The following ZMIZ1 variants were observed in gnomAD, a reference collection of about 807,000 sequenced individuals.
ZMIZ1 encodes the protein zinc finger MIZ-type containing 1, also known as zinc finger MIZ domain-containing protein 1.
A neutral mutation model predicts 113.9 loss-of-function variants in ZMIZ1; 17 were observed. The observed-to-expected ratio is 0.15, with a 90% CI of 0.10 to 0.22. ZMIZ1 has a LOEUF of 0.22. ZMIZ1 is among the 10% of genes least tolerant of loss of function. The pLI is 1.00. For synonymous variants in ZMIZ1, 607 were observed against 603.1 expected, an observed-to-expected ratio of 1.01 and a Z score of -0.09; for missense variants, 1,059 against 1,477.8, an observed-to-expected ratio of 0.72 and a Z score of 4.65.
intron 7 of ZMIZ1, among the ~76,000 whole-genome samples, chr10:79,220,876 G>A (rs1381995791): frequency 6.6e-6 from 1 of 152,116 alleles, no homozygotes; most frequent in African/African-American, 2.4e-5. Flanking sequence ...CTGTGCACAT[G>A]TGTGTATCTG....
intron 2 of ZMIZ1, among the ~76,000 whole-genome samples, chr10:79,124,787 G>A (rs1276969592): frequency 2.0e-5 from 3 of 152,232 alleles, no homozygotes; most frequent in East Asian, 1.9e-4. Flanking sequence ...CAACTGGGTG[G>A]CATGGGTCAG....
At chr10:79,164,434 G>GAGTA (rs1309517278) in intron 4 of ZMIZ1, among the ~76,000 whole-genome samples, 3 of 90,362 alleles carry the variant, frequency 3.3e-5, no homozygotes, top group Non-Finnish European at 6.7e-5. Flanking sequence ...GTGAGTGAGT[G>GAGTA]AGTGATTCTC....
chr10:79,313,748 T>TC lies in ZMIZ1; in HGVS notation c.*1001dup. On this transcript the variant is annotated 3_prime_UTR_variant, in exon 25 of 25. Transcript: ENST00000334512. The stretch of plus-strand genomic sequence containing the variant: ...TTGGACAGCAAGCAAACCATTTCTC[T>TC]CCGTCTGTTCTGTTTTTCTCCTAGT... 1 of 313,356 alleles carries TC rather than the reference T, an allele frequency of 3.2e-6. No individual in the cohort carries two copies. Among genetic ancestry groups the TC allele is most frequent in the Non-Finnish European group, 6.3e-6 (1 of 158,128 alleles). 19.4% of individuals were successfully genotyped at this position (313,356 alleles called of 1,614,324 possible). A position where few individuals can be genotyped will look rare whatever the true frequency, so the allele number is the denominator to read the frequency against.
At chr10:79,215,312 T>G (rs930937975) in intron 6 of ZMIZ1, among the ~76,000 whole-genome samples, 43 of 151,928 alleles carry the variant, frequency 2.8e-4, no homozygotes, top group African/African-American at 1.0e-3. Context: ...CTTTTTTTTT[T>G]TTTTTGAGAA....
At chr10:79,214,204 A>G (rs906103164) in intron 6 of ZMIZ1, among the ~76,000 whole-genome samples, 1 of 152,188 alleles carries the variant, frequency 6.6e-6, no homozygotes, top group Non-Finnish European at 1.5e-5. Flanking sequence ...GTGGACAGTG[A>G]GACTTATGGT....
At chr10:79,131,338 T>C (rs376747696) in intron 2 of ZMIZ1, among the ~76,000 whole-genome samples, 1 of 152,058 alleles carries the variant, frequency 6.6e-6, no homozygotes, top group East Asian at 1.9e-4. Flanking sequence ...TGGCGGGGGA[T>C]TGGGGATAGG....
chr10:79,081,846 A>G (rs1429520359), intron 1 of ZMIZ1, among the ~76,000 whole-genome samples: 1 of 152,222 alleles, frequency 6.6e-6, no homozygotes, highest in Non-Finnish European at 1.5e-5. Context: ...GTCCAGTATC[A>G]CTGCATCGGG....
intron 4 of ZMIZ1, among the ~76,000 whole-genome samples, chr10:79,183,814 A>G (rs1589390192): frequency 6.6e-6 from 1 of 152,182 alleles, no homozygotes; most frequent in East Asian, 1.9e-4. Flanking sequence ...TCAGGAAGGC[A>G]CGGCTGTTAT....
intron 3 of ZMIZ1, among the ~76,000 whole-genome samples, chr10:79,146,211 G>C (rs746420618): frequency 1.6e-4 from 24 of 152,208 alleles, no homozygotes; most frequent in Middle Eastern, 3.4e-3. Context: ...CTAGAGCAGG[G>C]TCTCCGCTCT....
At chr10:79,204,968 TTA>T (rs1848251074) in intron 5 of ZMIZ1, among the ~76,000 whole-genome samples, 1 of 113,142 alleles carries the variant, frequency 8.8e-6, no homozygotes, top group Non-Finnish European at 1.9e-5. Context: ...ATTGATTCAT[TTA>T]GGATGGATGG....
At chr10:79,162,907 G>A (rs556279968) in intron 4 of ZMIZ1, among the ~76,000 whole-genome samples, 4 of 152,122 alleles carry the variant, frequency 2.6e-5, no homozygotes, top group Non-Finnish European at 5.9e-5. Context: ...GAGCAGCTGG[G>A]GCCAGCAGGT....
chr10:79,210,475 A>G (rs925233928), intron 6 of ZMIZ1, among the ~76,000 whole-genome samples: 6 of 152,250 alleles, frequency 3.9e-5, no homozygotes, highest in African/African-American at 1.2e-4. Context: ...AAACAGGGAC[A>G]TATGCCAGAG....
At chr10:79,249,387 C>T (rs1338665812) in intron 7 of ZMIZ1, among the ~76,000 whole-genome samples, 1 of 152,224 alleles carries the variant, frequency 6.6e-6, no homozygotes, top group Non-Finnish European at 1.5e-5. Context: ...ACGCTGGGTG[C>T]TGCGTAAATG....
At chr10:79,185,346 T>C (rs1164429019) in intron 4 of ZMIZ1, among the ~76,000 whole-genome samples, 2 of 152,102 alleles carry the variant, frequency 1.3e-5, no homozygotes, top group African/African-American at 4.8e-5. Context: ...GAAAATGCAA[T>C]CTGCCCCTGA....
chr10:79,104,766 C>T (rs1409638392), intron 1 of ZMIZ1, among the ~76,000 whole-genome samples: 1 of 152,188 alleles, frequency 6.6e-6, no homozygotes, highest in Non-Finnish European at 1.5e-5. Context: ...GCCCGCTGGC[C>T]ACGGCACTCT....
At chr10:79,165,521 G>A (rs960777454) in intron 4 of ZMIZ1, among the ~76,000 whole-genome samples, 6 of 152,270 alleles carry the variant, frequency 3.9e-5, no homozygotes, top group Admixed American at 3.3e-4. Flanking sequence ...TCAGCAGGAC[G>A]TGAGGCTGTG....
rs1855347366 is a variant in ZMIZ1, at chr10:79,313,591, T to TG, written c.*848dup. ...CAACCAAAGTGATTGTGCCCTTGGTTGGGGGGCGCGGGCATATAACCTGTC... is the reference window on the plus strand; with the variant it reads ...CAACCAAAGTGATTGTGCCCTTGGTTGGGGGGGCGCGGGCATATAACCTGTC... On this transcript the variant is annotated 3_prime_UTR_variant, in exon 25 of 25. Coordinates refer to ENST00000334512, the MANE Select transcript of ZMIZ1 (RefSeq NM_020338.4). The TG allele has an allele frequency of 4.8e-6, 1 of 209,530 alleles. No individual in the cohort carries two copies. Among genetic ancestry groups the TG allele is most frequent in the South Asian group, 7.8e-5 (1 of 12,804 alleles). 13.0% of individuals were successfully genotyped at this position (209,530 alleles called of 1,614,324 possible).
intron 7 of ZMIZ1, among the ~76,000 whole-genome samples, chr10:79,225,001 G>C (rs74965991): frequency 0.011 from 1,605 of 152,298 alleles, 29 homozygotes; most frequent in African/African-American, 0.037. Flanking sequence ...CCTGAGAGGC[G>C]AGGAGGAGGA....
intron 1 of ZMIZ1, among the ~76,000 whole-genome samples, chr10:79,115,146 C>T (rs1303710966): frequency 1.3e-5 from 2 of 152,180 alleles, no homozygotes; most frequent in Non-Finnish European, 2.9e-5. Context: ...TGGCAGCTCC[C>T]TTCTGCTTGC....
Sources: gnomAD v4.1 joint callset for allele counts (sites outside exome capture counted in the v4.1 genomes callset) on GRCh38, gnomAD v4.1.1 for gene constraint, MANE v1.5 for transcripts, NCBI Gene and HGNC (gene_info 2026-07-23, HGNC 2026-07-21) for gene names.